The following HCN1 variants were observed in gnomAD, a reference collection of about 807,000 sequenced individuals.
HCN1 encodes hyperpolarization activated cyclic nucleotide gated potassium channel 1.
A neutral mutation model predicts 78.9 loss-of-function variants in HCN1; 13 were observed. The observed-to-expected ratio is 0.16, with a 90% CI of 0.11 to 0.26. HCN1 has a LOEUF of 0.26. Ranked by LOEUF, HCN1 falls within the 10% of genes least tolerant of loss-of-function variation. The pLI is 1.00. For missense variants in HCN1, 810 were observed against 1,154.3 expected (o/e 0.70, Z 4.32); for synonymous variants, 552 against 455.5 (o/e 1.21, Z -2.70).
At chr5:45,343,875 T>C (rs1019130879) in intron 5 of HCN1, among the ~76,000 whole-genome samples, 2 of 151,732 alleles carry the variant, frequency 1.3e-5, no homozygotes, top group Admixed American at 6.6e-5. Flanking sequence ...AAAAAATATA[T>C]ATATTGGGAG....
At chr5:45,456,608 A>C (rs1741034491) in intron 3 of HCN1, among the ~76,000 whole-genome samples, 1 of 152,064 alleles carries the variant, frequency 6.6e-6, no homozygotes, top group Non-Finnish European at 1.5e-5. Context: ...AACTAAAACA[A>C]ACATAATTTT....
intron 3 of HCN1, among the ~76,000 whole-genome samples, chr5:45,398,005 A>T (rs1048207176): frequency 6.6e-6 from 1 of 151,768 alleles, no homozygotes; most frequent in Non-Finnish European, 1.5e-5. Context: ...TTTAAATTTA[A>T]AAATGATCTT....
intron 2 of HCN1, among the ~76,000 whole-genome samples, chr5:45,618,135 AG>A (rs34239811): frequency 0.46 from 70,142 of 151,860 alleles, 18,632 homozygotes; most frequent in Non-Finnish European, 0.58. Context: ...CCATGTTATA[AG>A]CAATCAATAA....
At chr5:45,449,570 T>C (rs1481707090) in intron 3 of HCN1, among the ~76,000 whole-genome samples, 1 of 152,106 alleles carries the variant, frequency 6.6e-6, no homozygotes, top group Non-Finnish European at 1.5e-5. Flanking sequence ...TTTTGGACCT[T>C]CTAGTATGCT....
At chr5:45,476,008 T>C (rs973906241) in intron 2 of HCN1, among the ~76,000 whole-genome samples, 3 of 152,150 alleles carry the variant, frequency 2.0e-5, no homozygotes, top group African/African-American at 7.2e-5. Flanking sequence ...ACATTTTAAA[T>C]GAAAATATTT....
intron 3 of HCN1, among the ~76,000 whole-genome samples, chr5:45,459,180 G>C (rs1741090833): frequency 6.6e-6 from 1 of 151,548 alleles, no homozygotes; most frequent in Admixed American, 6.6e-5. Context: ...AAGGTGGGAG[G>C]ATCACATGAC....
intron 1 of HCN1, among the ~76,000 whole-genome samples, chr5:45,671,485 A>C (rs190143000): frequency 6.6e-6 from 1 of 151,590 alleles, no homozygotes. Flanking sequence ...CTTAAGAGTA[A>C]GATTCATGCC....
intron 6 of HCN1, among the ~76,000 whole-genome samples, chr5:45,287,659 T>A (rs1184663782): frequency 6.6e-6 from 1 of 152,030 alleles, no homozygotes; most frequent in African/African-American, 2.4e-5. Context: ...TCTCTAGTTT[T>A]AAAAAGCTGT....
intron 6 of HCN1, among the ~76,000 whole-genome samples, chr5:45,300,850 T>A (rs1156844032): frequency 6.6e-6 from 1 of 152,136 alleles, no homozygotes; most frequent in Admixed American, 6.6e-5. Context: ...TAGCTTTTCC[T>A]AATCTGCTTT....
intron 5 of HCN1, among the ~76,000 whole-genome samples, chr5:45,342,257 G>C (rs1192745270): frequency 1.5e-4 from 21 of 144,254 alleles, no homozygotes; most frequent in South Asian, 8.8e-4. Context: ...TTTTTGAGAT[G>C]GAGTTTTGCT....
chr5:45,447,089 GCAA>G, intron 3 of HCN1, among the ~76,000 whole-genome samples: 2 of 152,200 alleles, frequency 1.3e-5, no homozygotes, highest in Admixed American at 1.3e-4. Context: ...AGACAGACTG[GCAA>G]ATTGGATAAA....
chr5:45,621,088 C>A (rs997220241), intron 2 of HCN1, among the ~76,000 whole-genome samples: 1 of 152,178 alleles, frequency 6.6e-6, no homozygotes, highest in Non-Finnish European at 1.5e-5. Context: ...CACCAGCCTT[C>A]TCAACTCAAA....
chr5:45,329,078 G>C (rs544267113), intron 5 of HCN1, among the ~76,000 whole-genome samples: 20 of 151,612 alleles, frequency 1.3e-4, no homozygotes, highest in African/African-American at 4.8e-4. Flanking sequence ...ATTCAAGATT[G>C]GGTGCCATTT....
chr5:45,478,315 T>C (rs911411541), intron 2 of HCN1, among the ~76,000 whole-genome samples: 13 of 152,206 alleles, frequency 8.5e-5, no homozygotes, highest in Non-Finnish European at 1.6e-4. Context: ...GTTTACATTC[T>C]ATTGGGAAAA....
At chr5:45,411,601 A>C (rs1031644816) in intron 3 of HCN1, among the ~76,000 whole-genome samples, 9 of 152,192 alleles carry the variant, frequency 5.9e-5, no homozygotes, top group African/African-American at 2.2e-4. Context: ...GAAGAAAATG[A>C]AGGTTATTTT....
At position 45,555,076 on chromosome 5, in the gene HCN1, C is replaced by T. The variant is rs532427932; in HGVS notation, c.849+90109G>A. Among the ~76,000 whole-genome samples the T allele has an allele frequency of 2.1e-3, 313 of 151,862 alleles. 1 individual carries two copies. The highest frequency in any genetic ancestry group is 7.4e-3 in the African/African-American group (305 of 41,482). ...AATCAGACAAGAAATAAATAAGGGG[C>T]ATCCAGATTGGAAAGGAAGAAGTCA... On this transcript the variant is annotated intron_variant, in intron 2 of 7. Coordinates refer to ENST00000303230, the MANE Select transcript of HCN1 (RefSeq NM_021072.4).
intron 2 of HCN1, among the ~76,000 whole-genome samples, chr5:45,547,935 T>C (rs1743262827): frequency 6.6e-6 from 1 of 151,978 alleles, no homozygotes; most frequent in South Asian, 2.1e-4. Context: ...CCTATTCGTA[T>C]CTGTCTTGCC....
intron 2 of HCN1, among the ~76,000 whole-genome samples, chr5:45,614,434 C>T (rs369116996): frequency 6.6e-6 from 1 of 152,052 alleles, no homozygotes; most frequent in Admixed American, 6.6e-5. Flanking sequence ...TTTTGTAATG[C>T]TGGTGGCAGG....
chr5:45,636,541 T>C (rs1001240300), intron 2 of HCN1, among the ~76,000 whole-genome samples: 4 of 152,138 alleles, frequency 2.6e-5, no homozygotes, highest in Admixed American at 1.3e-4. Flanking sequence ...TTGGTATATT[T>C]TGGGGATAAG....
Sources: gnomAD v4.1 joint callset for allele counts (sites outside exome capture counted in the v4.1 genomes callset) on GRCh38, gnomAD v4.1.1 for gene constraint, MANE v1.5 for transcripts, NCBI Gene and HGNC (gene_info 2026-07-23, HGNC 2026-07-21) for gene names.